FERMT3: variants seen among roughly 807,000 people sequenced by gnomAD.
The protein encoded by FERMT3 is FERM domain containing kindlin 3.
In FERMT3, 33 loss-of-function variants were observed where a neutral mutation model predicts 80.8. That is an observed-to-expected ratio of 0.41 (90% confidence interval 0.31 to 0.55). The LOEUF is 0.55. Ranked by LOEUF, FERMT3 falls within the 20% of genes least tolerant of loss-of-function variation. The pLI is 0.31. For missense variants in FERMT3, 754 were observed against 908.7 expected, an observed-to-expected ratio of 0.83 and a Z score of 2.19; for synonymous variants, 375 against 372.2, an observed-to-expected ratio of 1.01 and a Z score of -0.09.
At position 64,220,524 on chromosome 11, in the gene FERMT3, A is replaced by G. The variant is rs758346041; in HGVS notation, c.1400A>G (p.Gln467Arg). Residue 467 changes from glutamine to arginine, a missense_variant, in exon 12 of 15, where the codon CAG becomes CGG. Gln to Arg is a conservative substitution (Grantham distance 43). Transcript: ENST00000345728. ...MADSSYTSEVQAILAFLSLQR... is the reference protein window; with the variant it reads ...MADSSYTSEVRAILAFLSLQR... The stretch of plus-strand genomic sequence containing the variant: ...GACAGCAGCTACACCAGCGAGGTGC[A>G]GGCCATCCTGGCCTTCCTCAGCCTG... The G allele has an allele frequency of 2.7e-5, 44 of 1,607,756 alleles. No individual in the cohort carries two copies. The African/African-American group carries it at 5.1e-4, about 19-fold the overall frequency.
chr11:64,207,496 G>C lies in FERMT3; in HGVS notation c.132G>C (p.Gly44=), dbSNP rs766140675. Reference sequence around the variant, plus strand: ...TCACTGGGGAGTCGCACATCGGCGGGGTGCTCCTGAAGATTGTGGAGCAGA... The same window carrying C: ...TCACTGGGGAGTCGCACATCGGCGGCGTGCTCCTGAAGATTGTGGAGCAGA... The part of the protein sequence containing the change: ...LRVTGESHIG[G]VLLKIVEQIN... The change falls in exon 2 of 15, where the codon GGG becomes GGC. Residue 44 remains glycine, a synonymous_variant. Transcript: ENST00000345728. 6.2e-7 allele frequency: 1 copy of C among 1,613,188 alleles called. No homozygotes were observed. Among genetic ancestry groups the C allele is most frequent in the African/African-American group, 1.3e-5 (1 of 74,900 alleles).
At position 64,210,772 on chromosome 11, in the gene FERMT3, C is replaced by T. The variant is rs766606318; in HGVS notation, c.322C>T (p.Arg108Cys). The change falls in exon 3 of 15, where the codon CGC becomes TGC. Residue 108 changes from arginine (R) to cysteine (C), a missense_variant. Physicochemically the swap from Arg to Cys is radical, Grantham distance 180 (BLOSUM62 -3). Coordinates refer to ENST00000345728, the MANE Select transcript of FERMT3 (RefSeq NM_031471.6). The surrounding 1 kb of genome is among the most constrained non-coding windows in gnomAD (Gnocchi z 4.3). ...RPVILRLPNR[R>C]ALRLRASFSQ... ...CGTCATCCTTCGGTTGCCCAACCGC[C>T]GCGCACTGCGCCTCCGTGCCAGCTT... The T allele has an allele frequency of 6.2e-6, 10 of 1,614,086 alleles. No individual in the cohort carries two copies. The highest frequency in any genetic ancestry group is 2.2e-5 in the South Asian group (2 of 91,080).
chr11:64,212,963 G>A (rs567422105), intron 6 of FERMT3, among the ~76,000 whole-genome samples: 9 of 151,908 alleles, frequency 5.9e-5, no homozygotes, highest in South Asian at 2.1e-4. Flanking sequence ...GTGTTATCCC[G>A]GCTAACTGCA....
At chr11:64,206,465 C>T (rs1335786123), upstream of FERMT3, among the ~76,000 whole-genome samples, 1 of 152,246 alleles carries the variant, frequency 6.6e-6, no homozygotes, top group Non-Finnish European at 1.5e-5. Context: ...GGACCTAGCC[C>T]TGAACACACA....
At position 64,219,980 on chromosome 11, in the gene FERMT3, C is replaced by G. The variant is rs775252663; in HGVS notation, c.1169C>G (p.Ala390Gly). Residue 390 changes from alanine (A) to glycine (G), a missense_variant, in exon 10 of 15, where the codon GCC becomes GGC. Transcript: ENST00000345728. This position sits in a 1 kb window ranked among gnomAD's most constrained non-coding sequence, Gnocchi z 4.0. ...TCCTACTACAAGAGCCAGGACGAGG[C>G]CCCTGGGGACCCCATTCAGCAGCTC... ...TLSYYKSQDE[A>G]PGDPIQQLNL... 1 of 1,613,528 alleles carries G rather than the reference C, an allele frequency of 6.2e-7. No homozygotes were observed. Among genetic ancestry groups the G allele is most frequent in the Non-Finnish European group, 8.5e-7 (1 of 1,179,978 alleles).
intron 6 of FERMT3, among the ~76,000 whole-genome samples, chr11:64,216,833 G>A (rs1946563278): frequency 6.7e-6 from 1 of 148,156 alleles, no homozygotes; most frequent in Non-Finnish European, 1.5e-5. Context: ...GTGCCACCAT[G>A]CCCAGCTAAT....
chr11:64,221,200 C>A, intron 13 of FERMT3, 60 bp downstream of exon 13: 1 of 1,540,232 alleles, frequency 6.5e-7, no homozygotes, highest in Non-Finnish European at 8.9e-7. Flanking sequence ...TGCCACCCGG[C>A]TGCTGTGTGC....
At chr11:64,209,909 C>T (rs562009559) in intron 2 of FERMT3, among the ~76,000 whole-genome samples, 1 of 152,300 alleles carries the variant, frequency 6.6e-6, no homozygotes, top group South Asian at 2.1e-4. Flanking sequence ...CCTGTGCCTT[C>T]CATTACTGTA....
Position 64,223,368 on chromosome 11 carries a change from G to A in FERMT3, c.1868G>A (p.Ser623Asn). Residue 623 changes from serine to asparagine, a missense_variant, in exon 15 of 15, where the codon AGC (serine) becomes AAC (asparagine). Ser to Asn is a conservative substitution (Grantham distance 46). Transcript: ENST00000345728. ...GTGGCCTTCAGCTGCGTGTCTGCCA[G>A]CTGCCGAATTGTACACGAGTATATC... ...INVAFSCVSA[S>N]CRIVHEYIGG... The A allele has an allele frequency of 6.2e-7, 1 of 1,614,080 alleles. No individual in the cohort carries two copies. The highest frequency in any genetic ancestry group is 8.5e-7 in the Non-Finnish European group (1 of 1,180,046).
At position 64,223,871 on chromosome 11, in the gene FERMT3, A is replaced by G; in HGVS notation, c.*379A>G. The stretch of plus-strand genomic sequence containing the variant: ...TTTAAAATTTCTTTTTTATAAATTA[A>G]TATTTTATTGTTGGATCCTCCTCCT... On this transcript the variant is annotated 3_prime_UTR_variant, in exon 15 of 15. Coordinates refer to ENST00000345728, the MANE Select transcript of FERMT3 (RefSeq NM_031471.6). The G allele has an allele frequency of 6.4e-7, 1 of 1,564,846 alleles. No individual in the cohort carries two copies. Among genetic ancestry groups the G allele is most frequent in the Non-Finnish European group, 8.7e-7 (1 of 1,152,262 alleles).
chr11:64,216,610 C>T (rs1314391209), intron 6 of FERMT3, among the ~76,000 whole-genome samples: 1 of 150,004 alleles, frequency 6.7e-6, no homozygotes, highest in East Asian at 2.0e-4. Context: ...TCCTGGCTAA[C>T]ACGGTGAAAC....
At chr11:64,214,649 C>G (rs898537977) in intron 6 of FERMT3, among the ~76,000 whole-genome samples, 5 of 151,022 alleles carry the variant, frequency 3.3e-5, no homozygotes, top group African/African-American at 1.2e-4. Flanking sequence ...GCCTGGCCTA[C>G]ACTTTTCTTT....
chr11:64,219,370 G>C lies in FERMT3; in HGVS notation c.894+12G>C. 1.3e-6 allele frequency: 2 copies of C among 1,584,750 alleles called. No homozygotes were observed. Among genetic ancestry groups the C allele is most frequent in the Non-Finnish European group, 1.7e-6 (2 of 1,166,120 alleles). ...TTGCCGCCCTGCAGGTACCAGGCGG[G>C]CCTGGGGGCACCAGGGCAGGTGGGA... On this transcript the variant is annotated intron_variant, in intron 7 of 14. Coordinates refer to ENST00000345728, the MANE Select transcript of FERMT3 (RefSeq NM_031471.6). The surrounding 1 kb of genome is among the most constrained non-coding windows in gnomAD (Gnocchi z 4.0).
At position 64,210,257 on chromosome 11, in the gene FERMT3, G is replaced by C. The variant is rs1299626405; in HGVS notation, c.161-354G>C. ...GGAGCTCCCCAGAATGCAAGACAGA[G>C]GCTGTTAAACCGTGGATTATGGGAG... On this transcript the variant is annotated intron_variant, in intron 2 of 14. Coordinates refer to ENST00000345728, the MANE Select transcript of FERMT3 (RefSeq NM_031471.6). The surrounding 1 kb of genome is among the most constrained non-coding windows in gnomAD (Gnocchi z 4.3). Among the ~76,000 whole-genome samples, 1 of 152,162 alleles carries C rather than the reference G, an allele frequency of 6.6e-6. No individual in the cohort carries two copies. Among genetic ancestry groups the C allele is most frequent in the African/African-American group, 2.4e-5 (1 of 41,444 alleles).
intron 13 of FERMT3, 135 bp downstream of exon 13, chr11:64,221,275 C>G: frequency 1.1e-6 from 1 of 876,338 alleles, no homozygotes. Context: ...TCTTTGTAAG[C>G]AGGCCTTACT....
At chr11:64,222,649 C>G (rs1168104102) in intron 13 of FERMT3, among the ~76,000 whole-genome samples, 1 of 151,642 alleles carries the variant, frequency 6.6e-6, no homozygotes, top group Non-Finnish European at 1.5e-5. Context: ...GGACAGTTCA[C>G]TGTCTGGGCC....
Position 64,211,340 on chromosome 11 carries a change from T to C in FERMT3, c.580T>C (p.Cys194Arg). 6.2e-7 allele frequency: 1 copy of C among 1,612,764 alleles called. No individual in the cohort carries two copies. Among genetic ancestry groups the C allele is most frequent in the Non-Finnish European group, 8.5e-7 (1 of 1,179,744 alleles). The change falls in exon 5 of 15, where the codon TGC becomes CGC. Residue 194 changes from cysteine (C) to arginine (R), a missense_variant. Coordinates refer to ENST00000345728, the MANE Select transcript of FERMT3 (RefSeq NM_031471.6). This position sits in a 1 kb window ranked among gnomAD's most constrained non-coding sequence, Gnocchi z 4.7. ...CTCGGACAGCGCCCAGACTGAGGCCTGCTACCACATGCTGAGCCGGCCCCA... is the reference window on the plus strand; with the variant it reads ...CTCGGACAGCGCCCAGACTGAGGCCCGCTACCACATGCTGAGCCGGCCCCA... ...HFSDSAQTEA[C>R]YHMLSRPQPP...
Position 64,223,045 on chromosome 11 carries a change from C to G in FERMT3, c.1671-3C>G, listed in dbSNP as rs748392557. ...TGGCTCACTCTCTCTCCCTGGGGGC[C>G]AGGTTCAAGGGCAGCAGGAAAGACG... On this transcript the variant is annotated splice_region_variant and splice_polypyrimidine_tract_variant and intron_variant, in intron 13 of 14. Coordinates refer to ENST00000345728, the MANE Select transcript of FERMT3 (RefSeq NM_031471.6). 2 of 1,613,468 alleles carry G rather than the reference C, an allele frequency of 1.2e-6. No homozygotes were observed. The highest frequency in any genetic ancestry group is 8.5e-7 in the Non-Finnish European group (1 of 1,180,018).
rs1381103628 is a variant in FERMT3 at position 64,219,798 on chromosome 11, G to C, written c.1079+9G>C. 1 of 1,614,106 alleles carries C rather than the reference G, an allele frequency of 6.2e-7. No individual in the cohort carries two copies. The highest frequency in any genetic ancestry group is 8.5e-7 in the Non-Finnish European group (1 of 1,180,024). On this transcript the variant is annotated intron_variant, in intron 9 of 14. Coordinates refer to ENST00000345728, the MANE Select transcript of FERMT3 (RefSeq NM_031471.6). The surrounding 1 kb of genome is among the most constrained non-coding windows in gnomAD (Gnocchi z 4.0). The stretch of plus-strand genomic sequence containing the variant: ...CATCTCCGAATCTTTCGGTGAGTTG[G>C]GGGCCAGAGTAGGCAGCCCTGCTGG...
Sources: allele counts gnomAD v4.1 joint callset (sites outside exome capture counted in the v4.1 genomes callset), GRCh38; gene constraint gnomAD v4.1.1; non-coding constraint Gnocchi (gnomAD v3.1); transcripts MANE v1.5; gene names NCBI Gene and HGNC (gene_info 2026-07-23, HGNC 2026-07-21).